Variants in OTOG observed in about 807,000 individuals in gnomAD.
The protein encoded by OTOG is otogelin.
In OTOG, 296 loss-of-function variants were observed where a neutral mutation model predicts 313.8. That is an observed-to-expected ratio of 0.94 (90% CI 0.86 to 1.04). OTOG has a LOEUF of 1.04. OTOG is among the 50% of genes least tolerant of loss of function. The pLI is 0.00. For synonymous variants in OTOG, 1,533 were observed against 1,554.9 expected, an observed-to-expected ratio of 0.99 and a Z score of 0.33; for missense variants, 3,948 against 3,840.1, an observed-to-expected ratio of 1.03 and a Z score of -0.74.
chr11:17,555,207 A>ATG (rs57148062), intron 6 of OTOG, among the ~76,000 whole-genome samples: 6,375 of 141,186 alleles, frequency 0.045, 276 homozygotes, highest in African/African-American at 0.12. Context: ...GGGGGCAGAG[A>ATG]TGTGTGTGTG....
chr11:17,596,093 C>T lies in OTOG; in HGVS notation c.3464C>T (p.Pro1155Leu), dbSNP rs756603210. The T allele has an allele frequency of 6.4e-7, 1 of 1,550,800 alleles. No homozygotes were observed. Among genetic ancestry groups the T allele is most frequent in the South Asian group, 1.2e-5 (1 of 84,040 alleles). ...DMCVLNPLRE[P>L]FAKKECSILL... The stretch of plus-strand genomic sequence containing the variant: ...TGTGTCCTGAATCCTCTCCGAGAAC[C>T]ATTTGCCAAGAAGGAGTGCAGCATC... The change falls in exon 29 of 56, where the codon CCA becomes CTA. Residue 1155 changes from proline to leucine, a missense_variant. Physicochemically the swap from Pro to Leu is moderately conservative, Grantham distance 98. Transcript: ENST00000399397.
At chr11:17,564,056 C>T (rs1852250411) in intron 15 of OTOG, among the ~76,000 whole-genome samples, 1 of 152,114 alleles carries the variant, frequency 6.6e-6, no homozygotes, top group Non-Finnish European at 1.5e-5. Flanking sequence ...CCTGAGTCAA[C>T]CCTCTTCTTT....
intron 33 of OTOG, 83 bp downstream of exon 33, chr11:17,606,218 C>T (rs1853385855): frequency 7.0e-7 from 1 of 1,419,662 alleles, no homozygotes; most frequent in Non-Finnish European, 9.3e-7. Context: ...CTTCACCCTT[C>T]CAATTACCCC....
At position 17,560,728 on chromosome 11, in the gene OTOG, G is replaced by C; in HGVS notation, c.1362G>C (p.Gly454=). Reference sequence around the variant, plus strand: ...CTCTAGGGCTCATCTTCGAGGATGGGGGCTGCGTGGCACCAGCTGAGTGTC... The same window carrying C: ...CTCTAGGGCTCATCTTCGAGGATGGCGGCTGCGTGGCACCAGCTGAGTGTC... ...YCPNGLIFED[G]GCVAPAECPC... Residue 454 remains glycine, a synonymous_variant, in exon 13 of 56, where the codon GGG becomes GGC. Transcript: ENST00000399397. The C allele has an allele frequency of 6.4e-7, 1 of 1,550,622 alleles. No homozygotes were observed. Among genetic ancestry groups the C allele is most frequent in the Non-Finnish European group, 8.7e-7 (1 of 1,146,974 alleles).
chr11:17,569,078 T>A, intron 15 of OTOG, 78 bp from the exon 16 acceptor site: 1 of 1,496,598 alleles, frequency 6.7e-7, no homozygotes, highest in South Asian at 1.2e-5. Context: ...GGCTGGGGTC[T>A]CTGTCCCTAG....
At position 17,612,233 on chromosome 11, in the gene OTOG, G is replaced by C. The variant is rs1382209785; in HGVS notation, c.6195G>C (p.Gln2065His). Residue 2065 changes from glutamine to histidine, a missense_variant, in exon 37 of 56, where the codon CAG becomes CAC. By Grantham distance (24) the Gln-to-His change is conservative. Transcript: ENST00000399397. The stretch of plus-strand genomic sequence containing the variant: ...AGCTGATTCGCGTGAATCAGTCCCA[G>C]CACTGTCCCCAGGGTGCTGCTCCCC... ...EGQLIRVNQS[Q>H]HCPQGAAPPR... is the part of the protein sequence containing the mutation. 6.5e-7 allele frequency: 1 copy of C among 1,548,808 alleles called. No individual in the cohort carries two copies. The highest frequency in any genetic ancestry group is 1.2e-5 in the South Asian group (1 of 84,054).
chr11:17,578,497 C>T lies in OTOG; in HGVS notation c.2730C>T (p.Pro910=). The change falls in exon 23 of 56, where the codon CCC becomes CCT. Residue 910 remains proline, a synonymous_variant. Coordinates refer to ENST00000399397, the MANE Select transcript of OTOG (RefSeq NM_001292063.2). ...ACCTGAGCGTGTCAGCCCGTGGCCC[C>T]TGCCTCTCGGGCTGCGCCTGTCCCC... ...LLNLSVSARG[P]CLSGCACPQG... 6.5e-7 allele frequency: 1 copy of T among 1,538,992 alleles called. No individual in the cohort carries two copies. Among genetic ancestry groups the T allele is most frequent in the African/African-American group, 1.4e-5 (1 of 73,168 alleles).
chr11:17,600,829 C>A (rs565414564), intron 31 of OTOG, among the ~76,000 whole-genome samples: 28 of 152,348 alleles, frequency 1.8e-4, no homozygotes, highest in African/African-American at 6.7e-4. Context: ...TGGCAAAGGA[C>A]AAGCTGTTTC....
chr11:17,589,238 G>A (rs1852875737), intron 24 of OTOG, among the ~76,000 whole-genome samples: 1 of 152,062 alleles, frequency 6.6e-6, no homozygotes, highest in Admixed American at 6.6e-5. Context: ...GAGCTGATGG[G>A]CTCTCGGATT....
intron 29 of OTOG, among the ~76,000 whole-genome samples, 153 bp from the exon 30 acceptor site, chr11:17,596,698 T>C (rs557426441): frequency 1.2e-4 from 18 of 152,364 alleles, no homozygotes; most frequent in African/African-American, 4.1e-4. Flanking sequence ...GAGTTCTCGC[T>C]TCCTTGTCCT....
chr11:17,595,487 C>T (rs147354207), intron 28 of OTOG, among the ~76,000 whole-genome samples: 315 of 152,342 alleles, frequency 2.1e-3, no homozygotes, highest in Middle Eastern at 0.014. Context: ...AGTCAGGACA[C>T]GGCCTGACTT....
chr11:17,615,135 C>A (rs1853689298), intron 39 of OTOG, among the ~76,000 whole-genome samples: 1 of 152,182 alleles, frequency 6.6e-6, no homozygotes, highest in Admixed American at 6.5e-5. Context: ...AGCATCTTTC[C>A]ATGGGTTTAT....
intron 17 of OTOG, among the ~76,000 whole-genome samples, chr11:17,571,661 G>A (rs2134024735): frequency 6.6e-6 from 1 of 152,288 alleles, no homozygotes; most frequent in East Asian, 1.9e-4. Context: ...CTGAAGAGCT[G>A]GGGGTGGGGA....
chr11:17,614,113 A>G (rs1273833484), intron 39 of OTOG, among the ~76,000 whole-genome samples: 1 of 152,108 alleles, frequency 6.6e-6, no homozygotes, highest in Non-Finnish European at 1.5e-5. Flanking sequence ...CACTAAGTTC[A>G]CCTCTGTCAA....
At chr11:17,589,450 A>G (rs112447645) in intron 24 of OTOG, among the ~76,000 whole-genome samples, 1,929 of 152,272 alleles carry the variant, frequency 0.013, 48 homozygotes, top group African/African-American at 0.044. Context: ...CAACAGATGA[A>G]CTAAGTGTCC....
chr11:17,614,131 G>C (rs375352547), intron 39 of OTOG, among the ~76,000 whole-genome samples: 87 of 152,230 alleles, frequency 5.7e-4, no homozygotes, highest in African/African-American at 2.0e-3. Flanking sequence ...CAAGGAGGCC[G>C]GGGTATCCAA....
intron 38 of OTOG, 125 bp from the exon 39 acceptor site, chr11:17,613,487 G>A (rs1190633649): frequency 1.3e-6 from 1 of 777,778 alleles, no homozygotes; most frequent in South Asian, 1.7e-5. Context: ...CCAGCCTGAT[G>A]GGAGCCCCTG....
At chr11:17,558,718 C>T in intron 10 of OTOG, 74 bp downstream of exon 10, 1 of 1,405,098 alleles carries the variant, frequency 7.1e-7, no homozygotes, top group Non-Finnish European at 9.7e-7. Flanking sequence ...GGCCATCAAA[C>T]TGGGTGATCC....
At chr11:17,632,015 C>A (rs1239360481) in intron 41 of OTOG, 73 bp from the exon 42 acceptor site, 3 of 1,539,988 alleles carry the variant, frequency 1.9e-6, no homozygotes, top group African/African-American at 1.4e-5. Flanking sequence ...TCCTTTTGGG[C>A]AGGGAGGGGA....
Sources: allele counts gnomAD v4.1 joint callset (sites outside exome capture counted in the v4.1 genomes callset), GRCh38; gene constraint gnomAD v4.1.1; transcripts MANE v1.5; gene names NCBI Gene and HGNC (gene_info 2026-07-23, HGNC 2026-07-21).